Variants in MME observed in about 807,000 individuals in gnomAD.
MME encodes neprilysin.
A neutral mutation model predicts 113.2 loss-of-function variants in MME; 98 were observed. The observed-to-expected ratio is 0.87, with a 90% CI of 0.74 to 1.02. MME has a LOEUF of 1.02. Ranked by LOEUF, MME falls within the 50% of genes least tolerant of loss-of-function variation. MME has a pLI of 0.00. For synonymous variants in MME, 292 were observed against 300.6 expected, an observed-to-expected ratio of 0.97 and a Z score of 0.30; for missense variants, 836 against 896.0, an observed-to-expected ratio of 0.93 and a Z score of 0.86.
intron 1 of MME, among the ~76,000 whole-genome samples, chr3:155,047,897 C>T (rs576041302): frequency 1.1e-4 from 16 of 151,988 alleles, no homozygotes; most frequent in Non-Finnish European, 1.9e-4. Context: ...ATGTTCGGAG[C>T]CTTTGTTAAT....
At chr3:155,126,066 T>G (rs1719625467) in intron 8 of MME, among the ~76,000 whole-genome samples, 1 of 152,116 alleles carries the variant, frequency 6.6e-6, no homozygotes, top group African/African-American at 2.4e-5. Context: ...TACACAACAC[T>G]GAAATGAAGA....
chr3:155,132,486 C>T (rs1264484693), intron 8 of MME, among the ~76,000 whole-genome samples: 1 of 152,118 alleles, frequency 6.6e-6, no homozygotes, highest in Non-Finnish European at 1.5e-5. Flanking sequence ...CTGTTTAAAA[C>T]CGATGATCAC....
chr3:155,145,286 C>T (rs1282590366), intron 14 of MME, among the ~76,000 whole-genome samples: 1 of 152,106 alleles, frequency 6.6e-6, no homozygotes, highest in Admixed American at 6.6e-5. Flanking sequence ...TCTGGATCGG[C>T]ATTTCCAAAG....
chr3:155,146,415 A>C (rs1445054827), intron 14 of MME, among the ~76,000 whole-genome samples: 1 of 151,798 alleles, frequency 6.6e-6, no homozygotes, highest in Non-Finnish European at 1.5e-5. Context: ...AGTCCCAGCT[A>C]TTTGGGAGGC....
chr3:155,161,456 A>G (rs1722717005), intron 17 of MME, among the ~76,000 whole-genome samples: 1 of 152,104 alleles, frequency 6.6e-6, no homozygotes, highest in Non-Finnish European at 1.5e-5. Flanking sequence ...TCTATTACCA[A>G]TTAGATTAGA....
intron 16 of MME, among the ~76,000 whole-genome samples, chr3:155,148,963 C>T (rs1253281673): frequency 6.6e-6 from 1 of 152,020 alleles, no homozygotes; most frequent in Non-Finnish European, 1.5e-5. Flanking sequence ...TTAAGTAAGC[C>T]AATTCATAGC....
intron 1 of MME, among the ~76,000 whole-genome samples, chr3:155,031,683 G>T (rs1712975647): frequency 6.6e-6 from 1 of 152,154 alleles, no homozygotes; most frequent in African/African-American, 2.4e-5. Flanking sequence ...TTGAGACAGA[G>T]TTTCGCTCTT....
At chr3:155,037,967 A>C (rs1713179694) in intron 1 of MME, among the ~76,000 whole-genome samples, 2 of 152,096 alleles carry the variant, frequency 1.3e-5, no homozygotes, top group Non-Finnish European at 2.9e-5. Context: ...GTGGGTAGGA[A>C]GGGGAGAGAT....
chr3:155,113,854 AC>A (rs1718380489), intron 3 of MME, among the ~76,000 whole-genome samples: 1 of 152,158 alleles, frequency 6.6e-6, no homozygotes, highest in African/African-American at 2.4e-5. Context: ...ACTAAGGCAT[AC>A]AACTCATGAG....
upstream of MME, among the ~76,000 whole-genome samples, chr3:155,077,994 C>T (rs1714818313): frequency 7.6e-6 from 1 of 132,316 alleles, no homozygotes; most frequent in Admixed American, 7.5e-5. Context: ...CACTTGAGGC[C>T]AGGAGTTTGA....
intron 17 of MME, among the ~76,000 whole-genome samples, chr3:155,160,688 T>C (rs1722654192): frequency 6.6e-6 from 1 of 152,118 alleles, no homozygotes; most frequent in Non-Finnish European, 1.5e-5. Flanking sequence ...CTTATTTATA[T>C]CTAAAATGGT....
At chr3:155,028,722 C>T (rs549619579) in intron 1 of MME, among the ~76,000 whole-genome samples, 2 of 152,146 alleles carry the variant, frequency 1.3e-5, no homozygotes, top group Non-Finnish European at 2.9e-5. Flanking sequence ...GGTAGCATTA[C>T]ATCTTTATTG....
rs201833300 is a variant in MME, at chr3:155,142,217, C to A, written c.1095-20C>A. On this transcript the variant is annotated intron_variant, in intron 11 of 22. Coordinates refer to ENST00000360490, the MANE Select transcript of MME (RefSeq NM_007289.4). ...CAGCCTCATCTTTTCTGTTGCTGGGCGGTGGTTTTTTTTATACAGAGATCT... is the reference window on the plus strand; with the variant it reads ...CAGCCTCATCTTTTCTGTTGCTGGGAGGTGGTTTTTTTTATACAGAGATCT... 5.0e-6 allele frequency: 8 copies of A among 1,611,614 alleles called. No homozygotes were observed. The highest frequency in any genetic ancestry group is 6.8e-6 in the Non-Finnish European group (8 of 1,178,014).
At chr3:155,110,941 T>C (rs1272657618) in intron 3 of MME, among the ~76,000 whole-genome samples, 2 of 152,238 alleles carry the variant, frequency 1.3e-5, no homozygotes, top group Non-Finnish European at 2.9e-5. Flanking sequence ...CTTTACTACA[T>C]TATTTTTTAT....
intron 1 of MME, among the ~76,000 whole-genome samples, chr3:155,025,623 C>CAA (rs565613508): frequency 5.4e-5 from 4 of 74,038 alleles, no homozygotes; most frequent in Admixed American, 1.6e-4. Context: ...GACCCTGTCT[C>CAA]AAAAAAAAAA....
chr3:155,137,738 G>A (rs139233345), intron 8 of MME, among the ~76,000 whole-genome samples: 2 of 152,024 alleles, frequency 1.3e-5, no homozygotes, highest in African/African-American at 4.8e-5. Flanking sequence ...AAAAAGAAAT[G>A]TATTATTATT....
At chr3:155,170,428 G>C (rs761439168) in intron 20 of MME, among the ~76,000 whole-genome samples, 12 of 152,118 alleles carry the variant, frequency 7.9e-5, no homozygotes, top group Non-Finnish European at 1.5e-4. Flanking sequence ...TAAATTCCTT[G>C]AAAATGGTTT....
chr3:155,157,949 T>G (rs1236991542), intron 16 of MME, among the ~76,000 whole-genome samples: 1 of 152,090 alleles, frequency 6.6e-6, no homozygotes, highest in Non-Finnish European at 1.5e-5. Context: ...TAAATCAAAA[T>G]GCAGTCTTAA....
At chr3:155,157,712 T>C (rs1348922718) in intron 16 of MME, among the ~76,000 whole-genome samples, 1 of 152,162 alleles carries the variant, frequency 6.6e-6, no homozygotes, top group African/African-American at 2.4e-5. Context: ...AGGGACAAAA[T>C]GTCCTGTGCT....
Sources: allele counts gnomAD v4.1 joint callset (sites outside exome capture counted in the v4.1 genomes callset), GRCh38; gene constraint gnomAD v4.1.1; transcripts MANE v1.5; gene names NCBI Gene and HGNC (gene_info 2026-07-23, HGNC 2026-07-21).